LDB3: variants seen among roughly 807,000 people sequenced by gnomAD.
The protein encoded by LDB3 is LIM domain-binding protein 3.
Under a neutral mutation model 69.0 loss-of-function variants are expected in LDB3, and 49 were observed. The ratio of observed to expected loss-of-function variants is 0.71; its 90% confidence interval spans 0.56 to 0.90. The LOEUF is 0.90. Among genes scored for constraint, LDB3 ranks in the 40% least tolerant of loss-of-function variants. The pLI is 0.00. For synonymous variants in LDB3, 387 were observed against 396.2 expected (o/e 0.98, Z 0.28); for missense variants, 928 against 974.1 (o/e 0.95, Z 0.63).
At chr10:86,678,344 T>C (rs953803283) in intron 2 of LDB3, among the ~76,000 whole-genome samples, 2 of 143,938 alleles carry the variant, frequency 1.4e-5, no homozygotes, top group African/African-American at 5.2e-5. Context: ...GCCACCCTTT[T>C]TTTTTTTTTT....
intron 13 of LDB3, among the ~76,000 whole-genome samples, chr10:86,728,297 A>G (rs1847331053): frequency 6.6e-6 from 1 of 152,220 alleles, no homozygotes; most frequent in Admixed American, 6.5e-5. Context: ...TGTCACATGC[A>G]GAGGGAATCG....
chr10:86,687,341 C>A, intron 5 of LDB3: 1 of 1,446,840 alleles, frequency 6.9e-7, no homozygotes, highest in Non-Finnish European at 9.7e-7. Flanking sequence ...CATTGGGCAC[C>A]ATCGGGACCA....
chr10:86,693,631 G>A (rs1405682408), intron 7 of LDB3, among the ~76,000 whole-genome samples: 1 of 152,252 alleles, frequency 6.6e-6, no homozygotes, highest in Non-Finnish European at 1.5e-5. Context: ...GGCCTGCTAA[G>A]GATGGCATGC....
At chr10:86,684,763 C>T (rs982910857) in intron 5 of LDB3, among the ~76,000 whole-genome samples, 3 of 152,234 alleles carry the variant, frequency 2.0e-5, no homozygotes, top group African/African-American at 7.2e-5. Flanking sequence ...AAGAAGGTGG[C>T]AGAGTTTGGG....
intron 2 of LDB3, among the ~76,000 whole-genome samples, chr10:86,669,478 A>G (rs1255701769): frequency 6.6e-6 from 1 of 152,198 alleles, no homozygotes; most frequent in Non-Finnish European, 1.5e-5. Context: ...TGCAGATGAC[A>G]CAGAACATCA....
At chr10:86,691,827 C>A in intron 5 of LDB3, 69 bp from the exon 6 acceptor site, 2 of 1,566,950 alleles carry the variant, frequency 1.3e-6, no homozygotes, top group East Asian at 2.2e-5. Flanking sequence ...GGGCATGGAG[C>A]AGGGACCCAG....
intron 8 of LDB3, among the ~76,000 whole-genome samples, chr10:86,708,340 G>A (rs1464446842): frequency 6.6e-6 from 1 of 152,226 alleles, no homozygotes; most frequent in African/African-American, 2.4e-5. Context: ...GGCTGGGGTG[G>A]AGCGGGAGGT....
Position 86,716,323 on chromosome 10 carries a change from G to T in LDB3, c.1232-4G>T. The T allele has an allele frequency of 6.2e-7, 1 of 1,611,344 alleles. No homozygotes were observed. The highest frequency in any genetic ancestry group is 8.5e-7 in the Non-Finnish European group (1 of 1,179,818). Reference sequence around the variant, plus strand: ...TTTCTTTGGGTTTTTTTTGGCTTTTGCAGTGCCTGCATCTACCTACAGCCC... The same window carrying T: ...TTTCTTTGGGTTTTTTTTGGCTTTTTCAGTGCCTGCATCTACCTACAGCCC... On this transcript the variant is annotated splice_region_variant and splice_polypyrimidine_tract_variant and intron_variant, in intron 9 of 13. Coordinates refer to ENST00000361373, the MANE Select transcript of LDB3 (RefSeq NM_007078.3).
At chr10:86,717,933 C>T in intron 10 of LDB3, 31 bp from the exon 11 acceptor site, 2 of 1,610,120 alleles carry the variant, frequency 1.2e-6, no homozygotes, top group East Asian at 2.2e-5. Context: ...CTGGGAGCTG[C>T]CTTACTGGGT....
rs1032783797 is a variant in LDB3, at chr10:86,699,985, T to G, written c.897-6546T>G. ...TTCTGTACCGTGTGTGCTGGCTCCATAGTTCTCTCTTCTGTACATATAAGC... is the reference window on the plus strand; with the variant it reads ...TTCTGTACCGTGTGTGCTGGCTCCAGAGTTCTCTCTTCTGTACATATAAGC... On this transcript the variant is annotated intron_variant, in intron 7 of 13. Coordinates refer to ENST00000361373, the MANE Select transcript of LDB3 (RefSeq NM_007078.3). This position sits in a 1 kb window ranked among gnomAD's most constrained non-coding sequence, Gnocchi z 4.9. 1 of 992,490 alleles carries G rather than the reference T, an allele frequency of 1.0e-6. No homozygotes were observed. The highest frequency in any genetic ancestry group is 1.7e-5 in the African/African-American group (1 of 57,312). The allele number at this position is 992,490 out of a possible 1,614,324, so 61.5% of individuals were successfully genotyped here.
upstream of LDB3, among the ~76,000 whole-genome samples, chr10:86,667,385 C>T (rs1459410919): frequency 6.6e-6 from 1 of 152,124 alleles, no homozygotes; most frequent in Non-Finnish European, 1.5e-5. Context: ...CCAGGGTGGG[C>T]CTTGATCTAT....
Position 86,732,999 on chromosome 10 carries a change from A to T in LDB3, c.*23A>T, listed in dbSNP as rs760425948. On this transcript the variant is annotated 3_prime_UTR_variant, in exon 14 of 14. Transcript: ENST00000361373. ...TAGGCGGCCAAGGCCGCCTGTGCTGACGAGGCCCGGAGCTGCTCCTGCTGC... is the reference window on the plus strand; with the variant it reads ...TAGGCGGCCAAGGCCGCCTGTGCTGTCGAGGCCCGGAGCTGCTCCTGCTGC... 8.3e-6 allele frequency: 13 copies of T among 1,571,794 alleles called. No individual in the cohort carries two copies. Among genetic ancestry groups the T allele is most frequent in the Non-Finnish European group, 1.1e-5 (13 of 1,144,876 alleles).
chr10:86,710,180 C>T (rs537586656), intron 9 of LDB3, 130 bp downstream of exon 9: 20 of 1,528,170 alleles, frequency 1.3e-5, no homozygotes, highest in East Asian at 1.2e-4. Flanking sequence ...AATGATGCTC[C>T]GCCCTCCGTC....
intron 9 of LDB3, among the ~76,000 whole-genome samples, chr10:86,713,041 G>A (rs899467068): frequency 6.6e-6 from 1 of 151,254 alleles, no homozygotes; most frequent in Non-Finnish European, 1.5e-5. Context: ...CAACTTGGGC[G>A]ACAGAGCAAG....
chr10:86,674,378 C>T (rs1159140184), intron 2 of LDB3, among the ~76,000 whole-genome samples: 1 of 152,230 alleles, frequency 6.6e-6, no homozygotes, highest in Non-Finnish European at 1.5e-5. Context: ...CTCCCCGCCC[C>T]CAGCCCCCAG....
intron 5 of LDB3, among the ~76,000 whole-genome samples, chr10:86,682,532 C>T (rs976414650): frequency 6.6e-6 from 1 of 152,154 alleles, no homozygotes; most frequent in Non-Finnish European, 1.5e-5. Context: ...GGAACGGAGT[C>T]CCCACACTGG....
chr10:86,710,056 A>C lies in LDB3; in HGVS notation c.1231+6A>C. On this transcript the variant is annotated splice_donor_region_variant and intron_variant, in intron 9 of 13. Coordinates refer to ENST00000361373, the MANE Select transcript of LDB3 (RefSeq NM_007078.3). ...GCCTTCTGTCTACCAGCCAGGTAAG[A>C]GGCAGAGCAGGAGGGGAGGCTGTCG... The C allele has an allele frequency of 6.2e-7, 1 of 1,612,364 alleles. No homozygotes were observed. The highest frequency in any genetic ancestry group is 8.5e-7 in the Non-Finnish European group (1 of 1,179,952).
intron 4 of LDB3, among the ~76,000 whole-genome samples, chr10:86,680,843 T>C (rs1269327657): frequency 6.6e-6 from 1 of 152,134 alleles, no homozygotes; most frequent in African/African-American, 2.4e-5. Flanking sequence ...ATGGGGCAGA[T>C]TGGGCAGGGC....
At position 86,681,602 on chromosome 10, in the gene LDB3, C is replaced by G. The variant is rs776608362; in HGVS notation, c.488C>G (p.Pro163Arg). ...CTCGCCGAGGCCTCTGACCCTGGCC[C>G]TCCGCGGGCCAGCCTGAGGGCCAAG... is the stretch of plus-strand genomic sequence containing the variant. ...SSLAEASDPG[P>R]PRASLRAKTS... Residue 163 changes from proline to arginine, a missense_variant, in exon 5 of 14, where the codon CCT becomes CGT. Physicochemically the swap from Pro to Arg is moderately radical, Grantham distance 103. Coordinates refer to ENST00000361373, the MANE Select transcript of LDB3 (RefSeq NM_007078.3). 9.9e-6 allele frequency: 16 copies of G among 1,612,918 alleles called. No individual in the cohort carries two copies. The highest frequency in any genetic ancestry group is 1.2e-5 in the Non-Finnish European group (14 of 1,179,766).
Sources: allele counts gnomAD v4.1 joint callset (sites outside exome capture counted in the v4.1 genomes callset), GRCh38; gene constraint gnomAD v4.1.1; non-coding constraint Gnocchi (gnomAD v3.1); transcripts MANE v1.5; gene names NCBI Gene and HGNC (gene_info 2026-07-23, HGNC 2026-07-21).